MAML2: variants seen among roughly 807,000 people sequenced by gnomAD.
MAML2 encodes the protein mastermind like transcriptional coactivator 2.
MAML2 carries 22 observed loss-of-function variants against 96.1 expected under a neutral mutation model. The ratio of observed to expected loss-of-function variants is 0.23; its 90% CI spans 0.16 to 0.33. MAML2 has a LOEUF of 0.33. MAML2 is among the 10% of genes least tolerant of loss of function. The probability of loss-of-function intolerance (pLI) is 1.00; values close to 1 mark genes in which losing one functional copy is unlikely to be tolerated. For synonymous variants in MAML2, 561 were observed against 521.3 expected (o/e 1.08, Z -1.04); for missense variants, 1,367 against 1,392.4 (o/e 0.98, Z 0.29).
chr11:96,322,258 G>A (rs922302991), intron 1 of MAML2, among the ~76,000 whole-genome samples: 9 of 152,114 alleles, frequency 5.9e-5, no homozygotes, highest in Non-Finnish European at 1.0e-4. Flanking sequence ...TGGAGTTAGA[G>A]GTCAAGGTGA....
At chr11:96,022,972 T>G (rs149989884) in intron 2 of MAML2, among the ~76,000 whole-genome samples, 9 of 152,292 alleles carry the variant, frequency 5.9e-5, no homozygotes, top group Non-Finnish European at 1.3e-4. Context: ...ATTGTCACAT[T>G]ATAAAAAAAT....
At chr11:96,273,884 C>T (rs1341840964) in intron 1 of MAML2, among the ~76,000 whole-genome samples, 1 of 152,080 alleles carries the variant, frequency 6.6e-6, no homozygotes, top group Non-Finnish European at 1.5e-5. Context: ...AGATTTAAAA[C>T]TTTTCATTTA....
chr11:96,117,304 T>TA (rs397758357), intron 1 of MAML2, among the ~76,000 whole-genome samples: 49 of 149,732 alleles, frequency 3.3e-4, no homozygotes, highest in East Asian at 2.9e-3. Flanking sequence ...TTTTTTTTTT[T>TA]AAATTTTTTG....
chr11:96,341,409 C>T lies in MAML2; in HGVS notation c.487G>A (p.Asp163Asn). 1 of 1,540,100 alleles carries T rather than the reference C, an allele frequency of 6.5e-7. No homozygotes were observed. The highest frequency in any genetic ancestry group is 8.8e-7 in the Non-Finnish European group (1 of 1,140,384). ...GCAATCAGGGCTGAGTTCCTCTGGT[C>T]CCCTGGGGTTGAAGCGGGCGGCTGC... ...EQQPPASTPGDQRNSALIALQ... is the reference protein window; with the variant it reads ...EQQPPASTPGNQRNSALIALQ... The change falls in exon 1 of 5, where the codon GAC becomes AAC. Residue 163 changes from aspartate to asparagine, a missense_variant. Transcript: ENST00000524717.
intron 1 of MAML2, among the ~76,000 whole-genome samples, chr11:96,139,222 A>T (rs1449554603): frequency 1.3e-5 from 2 of 152,188 alleles, no homozygotes; most frequent in Admixed American, 6.5e-5. Context: ...TCACACCTGT[A>T]ATCCCAGCAC....
intron 2 of MAML2, among the ~76,000 whole-genome samples, chr11:96,017,495 A>T (rs1339136456): frequency 1.3e-5 from 2 of 151,898 alleles, no homozygotes; most frequent in Non-Finnish European, 2.9e-5. Context: ...AATAAATCAG[A>T]GCTCTGGCCC....
intron 2 of MAML2, among the ~76,000 whole-genome samples, chr11:96,088,016 A>G (rs367942509): frequency 7.0e-4 from 106 of 152,164 alleles, no homozygotes; most frequent in African/African-American, 2.5e-3. Context: ...TTTGGAAACA[A>G]TTTTCTGTGT....
chr11:96,149,671 T>C (rs1448334579), intron 1 of MAML2, among the ~76,000 whole-genome samples: 1 of 150,130 alleles, frequency 6.7e-6, no homozygotes, highest in African/African-American at 2.5e-5. Flanking sequence ...TAGGCGGAGG[T>C]TGCAGTAAGC....
intron 1 of MAML2, among the ~76,000 whole-genome samples, chr11:96,334,771 T>C (rs964519031): frequency 7.9e-5 from 12 of 152,202 alleles, no homozygotes; most frequent in Non-Finnish European, 4.4e-5. Context: ...CGTAAGAGTT[T>C]AAAACCTTTG....
In MAML2 at chr11:96,092,018, G is replaced by C; in HGVS notation, c.2013C>G (p.Ala671=). 1 of 1,568,896 alleles carries C rather than the reference G, an allele frequency of 6.4e-7. No individual in the cohort carries two copies. Among genetic ancestry groups the C allele is most frequent in the Non-Finnish European group, 8.6e-7 (1 of 1,156,512 alleles). Residue 671 remains alanine (A), a synonymous_variant, in exon 2 of 5, where the codon GCC becomes GCG. Coordinates refer to ENST00000524717, the MANE Select transcript of MAML2 (RefSeq NM_032427.4). This position sits in a 1 kb window ranked among gnomAD's most constrained non-coding sequence, Gnocchi z 4.1. The stretch of plus-strand genomic sequence containing the variant: ...GCAAAGGCTGGCTTGGTAGAGATTG[G>C]GCAGGCTGAGAAGATGGTTGTTGCT... ...QQQQQPSSQP[A]QSLPSQPLLR... is the part of the protein sequence containing the mutation.
intron 1 of MAML2, among the ~76,000 whole-genome samples, chr11:96,115,243 A>C (rs1419741602): frequency 1.3e-5 from 2 of 151,480 alleles, no homozygotes; most frequent in Non-Finnish European, 2.9e-5. Flanking sequence ...AGCTCACTGT[A>C]ACATCAAACT....
chr11:96,274,716 A>G (rs1421306179), intron 1 of MAML2, among the ~76,000 whole-genome samples: 2 of 152,210 alleles, frequency 1.3e-5, no homozygotes, highest in Non-Finnish European at 2.9e-5. Context: ...GATGCTGCTC[A>G]TGAGCTATAT....
chr11:96,140,971 T>C (rs1300907155), intron 1 of MAML2, among the ~76,000 whole-genome samples: 2 of 152,200 alleles, frequency 1.3e-5, no homozygotes, highest in Middle Eastern at 3.2e-3. Context: ...AGTAAACATA[T>C]AGGATGCCTA....
At chr11:95,996,551 T>C (rs1200051774) in intron 2 of MAML2, among the ~76,000 whole-genome samples, 1 of 152,124 alleles carries the variant, frequency 6.6e-6, no homozygotes, top group African/African-American at 2.4e-5. Context: ...GATAAATCCT[T>C]TCTTGTAATT....
intron 2 of MAML2, among the ~76,000 whole-genome samples, chr11:96,055,044 G>A (rs1354387021): frequency 6.6e-6 from 1 of 152,150 alleles, no homozygotes; most frequent in African/African-American, 2.4e-5. Flanking sequence ...CTATCCAGCA[G>A]ATGGCATCTG....
chr11:96,060,911 T>C (rs1345337415), intron 2 of MAML2, among the ~76,000 whole-genome samples: 3 of 152,172 alleles, frequency 2.0e-5, no homozygotes, highest in Non-Finnish European at 1.5e-5. Context: ...ATGAGGCCAG[T>C]CTAAAGAAGC....
chr11:96,288,781 C>T (rs552585), intron 1 of MAML2, among the ~76,000 whole-genome samples: 39,704 of 151,978 alleles, frequency 0.26, 5,316 homozygotes, highest in East Asian at 0.33. Context: ...TTTTCAGAAG[C>T]ACGGCGAAAC....
intron 1 of MAML2, among the ~76,000 whole-genome samples, chr11:96,295,452 C>T (rs566678309): frequency 2.6e-5 from 4 of 152,242 alleles, no homozygotes; most frequent in African/African-American, 4.8e-5. Context: ...AGTTGACGCA[C>T]GCTAAGGTAC....
intron 1 of MAML2, among the ~76,000 whole-genome samples, chr11:96,307,352 C>T (rs1477068065): frequency 6.6e-6 from 1 of 152,168 alleles, no homozygotes; most frequent in Non-Finnish European, 1.5e-5. Flanking sequence ...GGAAGTTTTA[C>T]TTATGCTTTT....
Sources: gnomAD v4.1 joint callset for allele counts (sites outside exome capture counted in the v4.1 genomes callset) on GRCh38, gnomAD v4.1.1 for gene constraint, Gnocchi (gnomAD v3.1) non-coding constraint, MANE v1.5 for transcripts, NCBI Gene and HGNC (gene_info 2026-07-23, HGNC 2026-07-21) for gene names.